Variants in ZNF385D observed in about 807,000 individuals in gnomAD.
The protein encoded by ZNF385D is zinc finger protein 659.
A neutral mutation model predicts 35.8 loss-of-function variants in ZNF385D; 15 were observed. That is an observed-to-expected ratio of 0.42 (90% confidence interval 0.28 to 0.64). ZNF385D has a LOEUF of 0.64. Among genes scored for constraint, ZNF385D ranks in the 30% least tolerant of loss-of-function variants. The pLI is 0.23. For missense variants in ZNF385D, 474 were observed against 494.6 expected (o/e 0.96, Z 0.39); for synonymous variants, 212 against 186.8 (o/e 1.13, Z -1.10).
intron 3 of ZNF385D, among the ~76,000 whole-genome samples, chr3:22,088,424 T>C (rs1401419636): frequency 6.6e-6 from 1 of 152,152 alleles, no homozygotes; most frequent in Non-Finnish European, 1.5e-5. Context: ...CTAGGACACT[T>C]TGAGATCTGG....
At chr3:21,699,539 C>G (rs1005645951) in intron 1 of ZNF385D, among the ~76,000 whole-genome samples, 1 of 151,804 alleles carries the variant, frequency 6.6e-6, no homozygotes, top group Non-Finnish European at 1.5e-5. Context: ...AAAAATGTGG[C>G]TGGTCCAAAG....
intron 2 of ZNF385D, among the ~76,000 whole-genome samples, chr3:22,298,578 T>A (rs923490611): frequency 7.2e-6 from 1 of 139,376 alleles, no homozygotes; most frequent in Non-Finnish European, 1.6e-5. Context: ...CACACACATA[T>A]ATGTATGTGA....
chr3:21,708,312 G>A (rs1575503072), intron 1 of ZNF385D, among the ~76,000 whole-genome samples: 2 of 152,306 alleles, frequency 1.3e-5, no homozygotes, highest in Non-Finnish European at 1.5e-5. Flanking sequence ...TTCATGTAAC[G>A]CTTACAGCAA....
intron 3 of ZNF385D, among the ~76,000 whole-genome samples, chr3:21,562,654 CTTTTAAATCATCTGATCAG>C (rs1159997522): frequency 6.6e-6 from 1 of 152,106 alleles, no homozygotes; most frequent in Non-Finnish European, 1.5e-5. Flanking sequence ...TCCTGGGAGA[CTTTTAAATCATCTGATCAG>C]TTTCTAAGTG....
chr3:21,882,207 G>A (rs958935500), intron 3 of ZNF385D, among the ~76,000 whole-genome samples: 18 of 151,958 alleles, frequency 1.2e-4, no homozygotes, highest in African/African-American at 4.3e-4. Flanking sequence ...ATGCTACAGA[G>A]AAATCTTTTG....
intron 3 of ZNF385D, among the ~76,000 whole-genome samples, chr3:22,160,639 T>A (rs918070465): frequency 1.3e-5 from 2 of 152,126 alleles, no homozygotes; most frequent in African/African-American, 4.8e-5. Flanking sequence ...AAAGAAAATT[T>A]AATGCTAGCA....
chr3:21,760,735 T>TA (rs2070568069), intron 3 of ZNF385D, among the ~76,000 whole-genome samples: 1 of 152,162 alleles, frequency 6.6e-6, no homozygotes, highest in Non-Finnish European at 1.5e-5. Context: ...AATCTGGGCT[T>TA]TTTCACTGAC....
At position 21,983,162 on chromosome 3, in the gene ZNF385D, TTATTA is replaced by T. The variant is rs1188034487; in HGVS notation, c.325+185650_325+185654del. Among the ~76,000 whole-genome samples the T allele has an allele frequency of 1.6e-3, 102 of 63,392 alleles. 1 individual carries two copies. Among genetic ancestry groups the T allele is most frequent in the Middle Eastern group, 9.8e-3 (1 of 102 alleles). The allele number at this position is 63,392 out of a possible 152,430, so 41.6% of individuals were successfully genotyped here. ...ATTTTTTATTTTATTTTATTTTATT[TTATTA>T]TTTTTTTTTATTATACTTTAAGTTT... On this transcript the variant is annotated intron_variant, in intron 3 of 5. Coordinates refer to the ZNF385D transcript ENST00000494108.
At chr3:22,302,402 T>C (rs1012143844) in intron 2 of ZNF385D, among the ~76,000 whole-genome samples, 5 of 151,616 alleles carry the variant, frequency 3.3e-5, no homozygotes, top group African/African-American at 9.7e-5. Flanking sequence ...CATTATATAA[T>C]TGTATTGGTA....
intron 1 of ZNF385D, among the ~76,000 whole-genome samples, chr3:21,665,794 C>T (rs1171689689): frequency 6.6e-6 from 1 of 152,184 alleles, no homozygotes; most frequent in Non-Finnish European, 1.5e-5. Flanking sequence ...CGTTATAGGA[C>T]TCTGCCACAC....
chr3:21,931,772 A>T (rs1278584553), intron 3 of ZNF385D, among the ~76,000 whole-genome samples: 1 of 152,208 alleles, frequency 6.6e-6, no homozygotes, highest in Non-Finnish European at 1.5e-5. Flanking sequence ...TATAATGTTT[A>T]TACAACTCTG....
chr3:21,588,280 C>T (rs1413145672), intron 2 of ZNF385D, among the ~76,000 whole-genome samples: 2 of 152,136 alleles, frequency 1.3e-5, no homozygotes, highest in Non-Finnish European at 2.9e-5. Flanking sequence ...TTGTTTTCCT[C>T]AAGCTTTCTC....
chr3:21,680,595 CT>C (rs143830028), intron 1 of ZNF385D, among the ~76,000 whole-genome samples: 2,211 of 152,204 alleles, frequency 0.015, 57 homozygotes, highest in African/African-American at 0.05. Flanking sequence ...ATGACTGATG[CT>C]TTTTTATCAA....
At chr3:22,012,731 C>A (rs1696654494) in intron 3 of ZNF385D, among the ~76,000 whole-genome samples, 3 of 151,974 alleles carry the variant, frequency 2.0e-5, no homozygotes, top group Admixed American at 1.3e-4. Context: ...ATGGTGCCTA[C>A]CCCACTGTGT....
intron 1 of ZNF385D, among the ~76,000 whole-genome samples, chr3:21,675,365 T>A (rs374781489): frequency 9.2e-5 from 14 of 152,146 alleles, no homozygotes; most frequent in Admixed American, 2.6e-4. Flanking sequence ...TATTTCTGCT[T>A]CCATACACTG....
At chr3:21,508,141 T>A (rs796715644) in intron 4 of ZNF385D, among the ~76,000 whole-genome samples, 6 of 152,272 alleles carry the variant, frequency 3.9e-5, no homozygotes, top group African/African-American at 1.4e-4. Context: ...GACTTTACTA[T>A]CTCTTCTGCC....
intron 1 of ZNF385D, among the ~76,000 whole-genome samples, chr3:21,672,623 A>G (rs2066611028): frequency 6.6e-6 from 1 of 152,182 alleles, no homozygotes. Flanking sequence ...GAAGGAAATC[A>G]CATGGAAGTG....
intron 3 of ZNF385D, among the ~76,000 whole-genome samples, chr3:22,158,053 G>A (rs769933747): frequency 3.3e-5 from 5 of 151,996 alleles, no homozygotes; most frequent in Non-Finnish European, 5.9e-5. Context: ...GAATTACAGC[G>A]CACATTACAA....
intron 1 of ZNF385D, among the ~76,000 whole-genome samples, chr3:21,687,778 A>G (rs2067154050): frequency 6.6e-6 from 1 of 152,220 alleles, no homozygotes. Flanking sequence ...TATAAAAAGA[A>G]AAAACCGATG....
Sources: gnomAD v4.1 joint callset for allele counts (sites outside exome capture counted in the v4.1 genomes callset) on GRCh38, gnomAD v4.1.1 for gene constraint, MANE v1.5 for transcripts, NCBI Gene and HGNC (gene_info 2026-07-23, HGNC 2026-07-21) for gene names.